MAML3: variants seen among roughly 807,000 people sequenced by gnomAD.
MAML3 encodes the protein mastermind like transcriptional coactivator 3.
In MAML3, 27 loss-of-function variants were observed where a neutral mutation model predicts 101.9. That is an observed-to-expected ratio of 0.27 (90% CI 0.20 to 0.37). The LOEUF is 0.37. Among genes scored for constraint, MAML3 ranks in the 10% least tolerant of loss-of-function variants. The pLI, the probability that MAML3 is intolerant of heterozygous loss-of-function variation, is 1.00. For missense variants in MAML3, 1,316 were observed against 1,444.9 expected (o/e 0.91, Z 1.45); for synonymous variants, 501 against 555.9 (o/e 0.90, Z 1.39).
At chr4:139,923,350 G>A (rs1202146173) in intron 1 of MAML3, among the ~76,000 whole-genome samples, 1 of 152,142 alleles carries the variant, frequency 6.6e-6, no homozygotes, top group South Asian at 2.1e-4. Flanking sequence ...GTAGAGGACT[G>A]TCATCTTCAA....
chr4:140,011,566 G>T (rs987032415), intron 1 of MAML3, among the ~76,000 whole-genome samples: 4 of 149,730 alleles, frequency 2.7e-5, no homozygotes, highest in African/African-American at 9.8e-5. Flanking sequence ...GGATGGTCTC[G>T]ATCTCCTGAC....
At chr4:140,041,663 G>C (rs911976057) in intron 1 of MAML3, among the ~76,000 whole-genome samples, 19 of 152,114 alleles carry the variant, frequency 1.2e-4, no homozygotes, top group African/African-American at 4.3e-4. Flanking sequence ...AGAGGGCAAG[G>C]AAGGCAGGAG....
chr4:140,006,235 G>T (rs1371168078), intron 1 of MAML3, among the ~76,000 whole-genome samples: 1 of 152,140 alleles, frequency 6.6e-6, no homozygotes, highest in African/African-American at 2.4e-5. Flanking sequence ...GGAGTGGAAG[G>T]GGGAGGGGTC....
Position 139,892,069 on chromosome 4 carries a change from C to T in MAML3, c.469-1102G>A, listed in dbSNP as rs148201045. ...GCTTCAACTATCTTCTCTAGGCTGA[C>T]GGCCCCAAAAGATGCTCATCTTCCC... On this transcript the variant is annotated intron_variant, in intron 1 of 4. Coordinates refer to ENST00000509479, the MANE Select transcript of MAML3 (RefSeq NM_018717.5). 9.8e-3 allele frequency among the ~76,000 whole-genome samples: 1,497 copies of T among 152,300 alleles called. 22 individuals are homozygous for T. The highest frequency in any genetic ancestry group is 0.034 in the African/African-American group (1,414 of 41,558).
At chr4:140,036,883 G>A (rs6838472) in intron 1 of MAML3, among the ~76,000 whole-genome samples, 23,142 of 151,994 alleles carry the variant, frequency 0.15, 2,030 homozygotes, top group African/African-American at 0.24. Context: ...TGAAGATGAC[G>A]GTGGCTCAGA....
At chr4:140,101,791 C>A (rs1251703611) in intron 1 of MAML3, among the ~76,000 whole-genome samples, 1 of 151,898 alleles carries the variant, frequency 6.6e-6, no homozygotes, top group Admixed American at 6.6e-5. Flanking sequence ...ATATGTTATT[C>A]CACTATATAA....
At chr4:139,816,651 C>T (rs867494870) in intron 2 of MAML3, among the ~76,000 whole-genome samples, 2 of 152,206 alleles carry the variant, frequency 1.3e-5, no homozygotes, top group Middle Eastern at 3.4e-3. Flanking sequence ...CATCTTCTTT[C>T]AAGACACCAC....
chr4:140,024,541 C>T (rs1560869792), intron 1 of MAML3, among the ~76,000 whole-genome samples: 1 of 152,186 alleles, frequency 6.6e-6, no homozygotes, highest in Non-Finnish European at 1.5e-5. Flanking sequence ...GCTGGGATTA[C>T]AGGCATAAGC....
intron 1 of MAML3, among the ~76,000 whole-genome samples, chr4:139,959,859 A>C (rs1733980230): frequency 6.6e-6 from 1 of 152,234 alleles, no homozygotes; most frequent in South Asian, 2.1e-4. Context: ...CATGATTAAA[A>C]GGGTAAGGAA....
chr4:139,971,236 T>A (rs1044426897), intron 1 of MAML3, among the ~76,000 whole-genome samples: 4 of 152,220 alleles, frequency 2.6e-5, no homozygotes, highest in South Asian at 4.1e-4. Context: ...TAAACTGCAC[T>A]GCAACTACAA....
chr4:139,868,999 T>G (rs558716352), intron 2 of MAML3, among the ~76,000 whole-genome samples: 1 of 152,346 alleles, frequency 6.6e-6, no homozygotes, highest in African/African-American at 2.4e-5. Context: ...GTTTAATTGC[T>G]AAAATAATCT....
At chr4:140,102,724 C>A (rs1728273250) in intron 1 of MAML3, among the ~76,000 whole-genome samples, 1 of 151,988 alleles carries the variant, frequency 6.6e-6, no homozygotes, top group African/African-American at 2.4e-5. Context: ...CCAGTCAGTG[C>A]AGAGCCAGGG....
At chr4:139,843,881 C>T (rs543870245) in intron 2 of MAML3, among the ~76,000 whole-genome samples, 7 of 152,290 alleles carry the variant, frequency 4.6e-5, no homozygotes, top group South Asian at 2.1e-4. Flanking sequence ...TTGTAGCCAT[C>T]GAGAGAAACC....
chr4:139,747,652 C>T (rs887420367), intron 2 of MAML3, among the ~76,000 whole-genome samples: 1 of 151,548 alleles, frequency 6.6e-6, no homozygotes, highest in Non-Finnish European at 1.5e-5. Flanking sequence ...CGAGATAGTG[C>T]CACTGCACTC....
chr4:139,939,868 G>GGA (rs1733568289), intron 1 of MAML3, among the ~76,000 whole-genome samples: 1 of 151,116 alleles, frequency 6.6e-6, no homozygotes, highest in African/African-American at 2.4e-5. Flanking sequence ...CGATTCAAGC[G>GGA]ATTCTCCTGC....
chr4:139,834,226 T>C (rs1394094647), intron 2 of MAML3, among the ~76,000 whole-genome samples: 2 of 152,236 alleles, frequency 1.3e-5, no homozygotes, highest in African/African-American at 4.8e-5. Flanking sequence ...CACACTTCTG[T>C]TGGAATCTAT....
At chr4:139,862,804 A>G (rs1293753456) in intron 2 of MAML3, among the ~76,000 whole-genome samples, 2 of 152,234 alleles carry the variant, frequency 1.3e-5, no homozygotes, top group Non-Finnish European at 2.9e-5. Context: ...TGTAGGTAGC[A>G]GTGTTGAGTG....
intron 1 of MAML3, among the ~76,000 whole-genome samples, chr4:139,927,213 C>A (rs1044601666): frequency 2.6e-5 from 4 of 152,034 alleles, no homozygotes; most frequent in African/African-American, 7.2e-5. Flanking sequence ...CGTGAGCCAC[C>A]ATACCTGGCT....
At chr4:139,867,469 C>T (rs776884022) in intron 2 of MAML3, among the ~76,000 whole-genome samples, 11 of 152,188 alleles carry the variant, frequency 7.2e-5, no homozygotes, top group Non-Finnish European at 1.6e-4. Context: ...ATTTGTTGAG[C>T]ATCTGCTACA....
Sources: gnomAD v4.1 joint callset for allele counts (sites outside exome capture counted in the v4.1 genomes callset) on GRCh38, gnomAD v4.1.1 for gene constraint, MANE v1.5 for transcripts, NCBI Gene and HGNC (gene_info 2026-07-23, HGNC 2026-07-21) for gene names.